ATRNL1: variants seen among roughly 807,000 people sequenced by gnomAD.
ATRNL1 encodes attractin-like protein 1.
A neutral mutation model predicts 182.7 loss-of-function variants in ATRNL1; 95 were observed. That is an observed-to-expected ratio of 0.52 (90% CI 0.44 to 0.62). The LOEUF is 0.62. Among genes scored for constraint, ATRNL1 ranks in the 20% least tolerant of loss-of-function variants. ATRNL1 has a pLI of 0.00. For synonymous variants in ATRNL1, 576 were observed against 568.3 expected, an observed-to-expected ratio of 1.01 and a Z score of -0.19; for missense variants, 1,471 against 1,679.5, an observed-to-expected ratio of 0.88 and a Z score of 2.17.
At chr10:115,638,985 A>G (rs560679512) in intron 26 of ATRNL1, among the ~76,000 whole-genome samples, 1 of 152,316 alleles carries the variant, frequency 6.6e-6, no homozygotes, top group African/African-American at 2.4e-5. Flanking sequence ...AGAATATTTG[A>G]GGAAATAAAG....
intron 27 of ATRNL1, among the ~76,000 whole-genome samples, chr10:115,786,632 C>T (rs1206111557): frequency 6.6e-6 from 1 of 152,162 alleles, no homozygotes; most frequent in Non-Finnish European, 1.5e-5. Context: ...TTAATTATAT[C>T]TGCAAAGACT....
Position 115,262,964 on chromosome 10 carries a change from G to A in ATRNL1, c.1688-2229G>A, listed in dbSNP as rs114886836. ...CAAATTGGGAAAATCTAGTAAAATC[G>A]AAGTTGTGTCTTTTCTTATACCTCT... On this transcript the variant is annotated intron_variant, in intron 10 of 28. Transcript: ENST00000355044. 7.5e-3 allele frequency among the ~76,000 whole-genome samples: 1,146 copies of A among 151,912 alleles called. 15 individuals are homozygous for A. The highest frequency in any genetic ancestry group is 0.025 in the African/African-American group (1,043 of 41,508).
chr10:115,107,683 C>A (rs1467558720), intron 1 of ATRNL1, among the ~76,000 whole-genome samples: 2 of 152,118 alleles, frequency 1.3e-5, no homozygotes, highest in African/African-American at 4.8e-5. Context: ...AGCATCCTTT[C>A]AGATCTACAT....
chr10:115,740,639 G>A (rs1593153021), intron 27 of ATRNL1, among the ~76,000 whole-genome samples: 1 of 152,188 alleles, frequency 6.6e-6, no homozygotes, highest in East Asian at 1.9e-4. Flanking sequence ...TTGAGTAGCT[G>A]GGAATACAGG....
At chr10:115,152,511 G>C (rs374633169) in intron 5 of ATRNL1, among the ~76,000 whole-genome samples, 11 of 152,104 alleles carry the variant, frequency 7.2e-5, no homozygotes, top group East Asian at 3.9e-4. Flanking sequence ...ATTTGGCTCT[G>C]TGTTTGTCTA....
chr10:115,300,835 A>G (rs1853434701), intron 16 of ATRNL1, among the ~76,000 whole-genome samples: 1 of 152,188 alleles, frequency 6.6e-6, no homozygotes, highest in South Asian at 2.1e-4. Flanking sequence ...ATTTAGCTCC[A>G]GAACTTTTTC....
intron 9 of ATRNL1, among the ~76,000 whole-genome samples, chr10:115,223,913 G>GTGTGTGTGTATATATA (rs71476115): frequency 3.0e-4 from 17 of 55,930 alleles, no homozygotes; most frequent in African/African-American, 5.0e-4. Context: ...GTGTGTGTGT[G>GTGTGTGTGTATATATA]TATATATATA....
At chr10:115,356,640 A>C (rs2134141736) in intron 19 of ATRNL1, among the ~76,000 whole-genome samples, 1 of 152,024 alleles carries the variant, frequency 6.6e-6, no homozygotes, top group Admixed American at 6.6e-5. Flanking sequence ...TAATTCCCAA[A>C]GTTCCCCTGG....
intron 26 of ATRNL1, among the ~76,000 whole-genome samples, chr10:115,558,172 C>G (rs1853440474): frequency 6.6e-6 from 1 of 151,882 alleles, no homozygotes; most frequent in African/African-American, 2.4e-5. Flanking sequence ...TTGCCCGGGT[C>G]CTTGGAGATT....
intron 26 of ATRNL1, among the ~76,000 whole-genome samples, chr10:115,556,032 G>C (rs909089659): frequency 2.6e-5 from 4 of 151,968 alleles, no homozygotes; most frequent in Non-Finnish European, 5.9e-5. Context: ...CTGTCAGACC[G>C]AACCATACAG....
At chr10:115,215,903 T>G in intron 9 of ATRNL1, 23 bp downstream of exon 9, 1 of 1,443,416 alleles carries the variant, frequency 6.9e-7, no homozygotes, top group South Asian at 1.5e-5. Flanking sequence ...AATAACACAT[T>G]TTCTATGTTG....
chr10:115,491,352 T>C (rs1162996751), intron 24 of ATRNL1, among the ~76,000 whole-genome samples: 1 of 152,122 alleles, frequency 6.6e-6, no homozygotes, highest in Non-Finnish European at 1.5e-5. Context: ...CAGCTGCCCC[T>C]TCCTGCAGGT....
In ATRNL1 at chr10:115,660,069, T is replaced by C. The variant is rs368364869; in HGVS notation, c.3796-67179T>C. On this transcript the variant is annotated intron_variant, in intron 26 of 28. Transcript: ENST00000355044. ...TGTTATTCTGATTAGTTGTAGAGCA[T>C]AGGTAAGAGGAGAATAAGAATGGAG... 9.9e-5 allele frequency among the ~76,000 whole-genome samples: 15 copies of C among 152,180 alleles called. No individual in the cohort carries two copies. In the East Asian group the frequency reaches 2.9e-3, roughly 29 times the overall value.
At chr10:115,780,525 A>C (rs1565372566) in intron 27 of ATRNL1, among the ~76,000 whole-genome samples, 1 of 152,146 alleles carries the variant, frequency 6.6e-6, no homozygotes, top group Non-Finnish European at 1.5e-5. Context: ...CCCAGGCTGA[A>C]GAGCTCATGG....
At position 115,403,257 on chromosome 10, in the gene ATRNL1, C is replaced by CTTTTTTTTTTTTTTTT. The variant is rs59256867; in HGVS notation, c.3269+8509_3269+8524dup. The stretch of plus-strand genomic sequence containing the variant: ...CTTTATTTTTCCTAATTACTCTCAT[C>CTTTTTTTTTTTTTTTT]TTTTTTTTTTTTTTTTTTTAGTCTG... On this transcript the variant is annotated intron_variant, in intron 20 of 28. Coordinates refer to ENST00000355044, the MANE Select transcript of ATRNL1 (RefSeq NM_207303.4). Among the ~76,000 whole-genome samples the CTTTTTTTTTTTTTTTT allele has an allele frequency of 1.8e-3, 198 of 107,404 alleles. 13 individuals carry two copies. Among genetic ancestry groups the CTTTTTTTTTTTTTTTT allele is most frequent in the African/African-American group, 9.3e-3 (190 of 20,364 alleles). 70.5% of individuals were successfully genotyped at this position (107,404 alleles called of 152,430 possible). A position where few individuals can be genotyped will look rare whatever the true frequency, so the allele number is the denominator to read the frequency against.
intron 20 of ATRNL1, among the ~76,000 whole-genome samples, chr10:115,403,296 A>G (rs1554957437): frequency 7.6e-6 from 1 of 131,276 alleles, no homozygotes; most frequent in East Asian, 2.0e-4. Context: ...TATGGGGAAA[A>G]GTACATCTTT....
At chr10:115,864,810 G>A (rs562577558) in intron 28 of ATRNL1, among the ~76,000 whole-genome samples, 4 of 152,076 alleles carry the variant, frequency 2.6e-5, no homozygotes, top group African/African-American at 9.6e-5. Flanking sequence ...ATGAAACCCC[G>A]TCTCTATGAA....
chr10:115,394,238 G>A (rs957968449), intron 19 of ATRNL1, among the ~76,000 whole-genome samples: 2 of 151,960 alleles, frequency 1.3e-5, no homozygotes, highest in Admixed American at 1.3e-4. Flanking sequence ...TGCAAATGAA[G>A]AAATTAAGCA....
At chr10:115,441,569 G>A (rs1846681569) in intron 21 of ATRNL1, among the ~76,000 whole-genome samples, 1 of 151,562 alleles carries the variant, frequency 6.6e-6, no homozygotes. Context: ...GTTTTAAGAA[G>A]CATCTAAATT....
Sources: allele counts gnomAD v4.1 joint callset (sites outside exome capture counted in the v4.1 genomes callset), GRCh38; gene constraint gnomAD v4.1.1; transcripts MANE v1.5; gene names NCBI Gene and HGNC (gene_info 2026-07-23, HGNC 2026-07-21).